FLRT1: variants seen among roughly 807,000 people sequenced by gnomAD.
FLRT1 encodes the protein leucine-rich repeat transmembrane protein FLRT1.
In FLRT1, 14 loss-of-function variants were observed where a neutral mutation model predicts 30.9. The ratio of observed to expected loss-of-function variants is 0.45; its 90% confidence interval spans 0.30 to 0.71. The LOEUF (loss-of-function observed/expected upper bound fraction) is 0.71, where lower values mean the gene tolerates loss of function less well. Among genes scored for constraint, FLRT1 ranks in the 30% least tolerant of loss-of-function variants. FLRT1 has a pLI of 0.08. For synonymous variants in FLRT1, 368 were observed against 430.4 expected (o/e 0.85, Z 1.80); for missense variants, 737 against 949.2 (o/e 0.78, Z 2.94).
In FLRT1 at chr11:64,118,047, A is replaced by G. The variant is rs150249733; in HGVS notation, c.1780A>G (p.Ser594Gly). 70 of 1,613,464 alleles carry G rather than the reference A, an allele frequency of 4.3e-5. No homozygotes were observed. The highest frequency in any genetic ancestry group is 5.7e-5 in the Non-Finnish European group (67 of 1,179,906). The change falls in exon 3 of 3, where the codon AGC becomes GGC. Residue 594 changes from serine to glycine, a missense_variant. Transcript: ENST00000682287. Reference sequence around the variant, plus strand: ...CCGGGAGAGGGCCTACAACCGGGGCAGCAGGAAAAAGGATGACTATATGGA... The same window carrying G: ...CCGGGAGAGGGCCTACAACCGGGGCGGCAGGAAAAAGGATGACTATATGGA... ...LTRERAYNRG[S>G]RKKDDYMESG...
rs1944584228 is a variant in FLRT1 at position 64,096,793 on chromosome 11, G to A, written c.-1037-6401G>A. Among the ~76,000 whole-genome samples the A allele has an allele frequency of 6.6e-6, 1 of 152,186 alleles. No homozygotes were observed. Among genetic ancestry groups the A allele is most frequent in the African/African-American group, 2.4e-5 (1 of 41,452 alleles). On this transcript the variant is annotated intron_variant, in intron 1 of 2. Transcript: ENST00000682287. The surrounding 1 kb of genome is among the most constrained non-coding windows in gnomAD (Gnocchi z 4.6). ...GCAGTGCCCCTCCCTGAGGGGAAGA[G>A]GGCAGGCCTGTGGGGGGCTGCCGTG...
rs1402678572 is a variant in FLRT1, at chr11:64,082,469, G to C, written c.-1037-20725G>C. Among the ~76,000 whole-genome samples, 1 of 152,084 alleles carries C rather than the reference G, an allele frequency of 6.6e-6. No homozygotes were observed. The highest frequency in any genetic ancestry group is 1.5e-5 in the Non-Finnish European group (1 of 68,004). On this transcript the variant is annotated intron_variant, in intron 1 of 2. Transcript: ENST00000682287. This position sits in a 1 kb window ranked among gnomAD's most constrained non-coding sequence, Gnocchi z 4.5. ...CTTGAGGGCAGGGCTGAGGGACTGAGGGCCAGGCTGGGGCCAAGAGCTGGT... is the reference window on the plus strand; with the variant it reads ...CTTGAGGGCAGGGCTGAGGGACTGACGGCCAGGCTGGGGCCAAGAGCTGGT...
At chr11:64,037,646 G>GGTGT (rs140636012) in intron 1 of FLRT1, among the ~76,000 whole-genome samples, 1 of 151,748 alleles carries the variant, frequency 6.6e-6, no homozygotes, top group Non-Finnish European at 1.5e-5. Flanking sequence ...ATGGGCACAG[G>GGTGT]GTGTGTGTGT....
At chr11:64,112,358 C>A (rs1022774199) in intron 2 of FLRT1, among the ~76,000 whole-genome samples, 2 of 151,922 alleles carry the variant, frequency 1.3e-5, no homozygotes, top group African/African-American at 2.4e-5. Flanking sequence ...ACTAAAAATA[C>A]AAAAAATTAG....
intron 1 of FLRT1, among the ~76,000 whole-genome samples, chr11:64,051,716 C>T (rs1329827039): frequency 1.3e-5 from 2 of 152,170 alleles, no homozygotes; most frequent in African/African-American, 4.8e-5. Flanking sequence ...GTGAGCTCCT[C>T]CCTGAACAGT....
At position 64,096,405 on chromosome 11, in the gene FLRT1, G is replaced by A. The variant is rs1216999302; in HGVS notation, c.-1037-6789G>A. Reference sequence around the variant, plus strand: ...AGGTAGAGCTGGCAGGCAAGTGGTCGTTCCTGTCCCCTCTTTTTTTTTTTT... The same window carrying A: ...AGGTAGAGCTGGCAGGCAAGTGGTCATTCCTGTCCCCTCTTTTTTTTTTTT... On this transcript the variant is annotated intron_variant, in intron 1 of 2. Transcript: ENST00000682287. The surrounding 1 kb of genome is among the most constrained non-coding windows in gnomAD (Gnocchi z 4.6). Among the ~76,000 whole-genome samples, 1 of 151,790 alleles carries A rather than the reference G, an allele frequency of 6.6e-6. No homozygotes were observed. The highest frequency in any genetic ancestry group is 1.5e-5 in the Non-Finnish European group (1 of 67,912).
intron 1 of FLRT1, chr11:64,081,944 C>T (rs1460608957): frequency 6.6e-6 from 1 of 152,234 alleles, no homozygotes; most frequent in Non-Finnish European, 1.5e-5. Context: ...GTGCCGCGTT[C>T]TACCTGCTGT....
intron 1 of FLRT1, among the ~76,000 whole-genome samples, chr11:64,086,333 A>G (rs928060017): frequency 1.3e-5 from 2 of 151,984 alleles, no homozygotes; most frequent in African/African-American, 4.8e-5. Context: ...TGGGGTGTGC[A>G]GTTCTAAGAC....
chr11:64,047,892 C>T (rs1346657142), intron 1 of FLRT1, among the ~76,000 whole-genome samples: 8 of 136,990 alleles, frequency 5.8e-5, no homozygotes, highest in African/African-American at 1.6e-4. Context: ...AGTGAAACTC[C>T]GTCTCAAAAA....
At chr11:64,061,182 G>C (rs1017291433) in intron 1 of FLRT1, among the ~76,000 whole-genome samples, 1 of 152,252 alleles carries the variant, frequency 6.6e-6, no homozygotes, top group Non-Finnish European at 1.5e-5. Context: ...GTATGGATTT[G>C]CCAGTAAATA....
chr11:64,093,567 C>T (rs1944527296), intron 1 of FLRT1, among the ~76,000 whole-genome samples: 1 of 152,178 alleles, frequency 6.6e-6, no homozygotes, highest in Non-Finnish European at 1.5e-5. Context: ...TCCATCCCTC[C>T]CAGTCCTTCC....
intron 1 of FLRT1, among the ~76,000 whole-genome samples, chr11:64,099,572 A>C (rs943523839): frequency 1.3e-5 from 2 of 151,548 alleles, no homozygotes; most frequent in Admixed American, 1.3e-4. Flanking sequence ...ATAGAGGTGA[A>C]TAGATGGACT....
chr11:64,117,430 C>T lies in FLRT1; in HGVS notation c.1163C>T (p.Ala388Val), dbSNP rs961517144. 4 of 1,612,698 alleles carry T rather than the reference C, an allele frequency of 2.5e-6. No homozygotes were observed. Among genetic ancestry groups the T allele is most frequent in the Non-Finnish European group, 3.4e-6 (4 of 1,179,148 alleles). Reference sequence around the variant, plus strand: ...GAGACGGGGCCGCAGGGCGGCGTGGCCAATGCGGCTGCCAAGACCACGGCC... The same window carrying T: ...GAGACGGGGCCGCAGGGCGGCGTGGTCAATGCGGCTGCCAAGACCACGGCC... Reference protein sequence around the residue: ...CFETGPQGGVANAAAKTTASN... With the variant: ...CFETGPQGGVVNAAAKTTASN... The change falls in exon 3 of 3, where the codon GCC (alanine) becomes GTC (valine). Residue 388 changes from alanine to valine, a missense_variant. Ala to Val is a moderately conservative substitution (Grantham distance 64). Coordinates refer to ENST00000682287, the MANE Select transcript of FLRT1 (RefSeq NM_013280.5).
intron 2 of FLRT1, among the ~76,000 whole-genome samples, chr11:64,113,560 G>GGGCA (rs1944901415): frequency 6.7e-6 from 1 of 149,450 alleles, no homozygotes; most frequent in African/African-American, 2.5e-5. Flanking sequence ...ATGGATGGAT[G>GGGCA]GACAGGTGGA....
intron 1 of FLRT1, among the ~76,000 whole-genome samples, chr11:64,038,053 G>A (rs1943416337): frequency 6.6e-6 from 1 of 152,172 alleles, no homozygotes; most frequent in African/African-American, 2.4e-5. Context: ...TGCTGTCACT[G>A]GACTTCATCC....
rs1944027221 is a variant in FLRT1 at position 64,067,531 on chromosome 11, C to T, written c.-1038+31372C>T. Among the ~76,000 whole-genome samples the T allele has an allele frequency of 6.6e-6, 1 of 151,932 alleles. No individual in the cohort carries two copies. The highest frequency in any genetic ancestry group is 2.4e-5 in the African/African-American group (1 of 41,390). ...GACGGCACCTCCCCAACTCCCCAGC[C>T]CCTCCCCCTGGGGCTCAGGGACCCA... On this transcript the variant is annotated intron_variant, in intron 1 of 2. Transcript: ENST00000682287. This position sits in a 1 kb window ranked among gnomAD's most constrained non-coding sequence, Gnocchi z 4.6.
In FLRT1 at chr11:64,067,418, A is replaced by G. The variant is rs945127209; in HGVS notation, c.-1038+31259A>G. ...ATTCAATACCTGAGCCTTTCAGCTC[A>G]CAAATCATGCCCCCGGCCCAGGTGA... On this transcript the variant is annotated intron_variant, in intron 1 of 2. Transcript: ENST00000682287. This position sits in a 1 kb window ranked among gnomAD's most constrained non-coding sequence, Gnocchi z 4.6. Among the ~76,000 whole-genome samples, 1 of 152,186 alleles carries G rather than the reference A, an allele frequency of 6.6e-6. No individual in the cohort carries two copies. The highest frequency in any genetic ancestry group is 1.5e-5 in the Non-Finnish European group (1 of 68,014).
At chr11:64,075,561 G>A (rs1944185221) in intron 1 of FLRT1, among the ~76,000 whole-genome samples, 1 of 152,264 alleles carries the variant, frequency 6.6e-6, no homozygotes, top group Non-Finnish European at 1.5e-5. Context: ...CTGGCCTGCT[G>A]CCCTCCTTCC....
Position 64,045,659 on chromosome 11 carries a change from G to A in FLRT1, c.-1038+9500G>A, listed in dbSNP as rs138041484. On this transcript the variant is annotated intron_variant, in intron 1 of 2. Transcript: ENST00000682287. ...TACAGATTGGAGAGACTGCTCCTGG[G>A]GTCTCAAAGGCAGGCGCACATCCCT... Among the ~76,000 whole-genome samples the A allele has an allele frequency of 8.4e-3, 1,274 of 152,256 alleles. 12 individuals are homozygous for A. Among genetic ancestry groups the A allele is most frequent in the Non-Finnish European group, 0.014 (931 of 68,006 alleles).
Sources: gnomAD v4.1 joint callset for allele counts (sites outside exome capture counted in the v4.1 genomes callset) on GRCh38, gnomAD v4.1.1 for gene constraint, Gnocchi (gnomAD v3.1) non-coding constraint, MANE v1.5 for transcripts, NCBI Gene and HGNC (gene_info 2026-07-23, HGNC 2026-07-21) for gene names.